The following TTC21B variants were observed in gnomAD, a reference collection of about 807,000 sequenced individuals.
The protein encoded by TTC21B is tetratricopeptide repeat domain 21B, also known as tetratricopeptide repeat protein 21B.
A neutral mutation model predicts 175.1 loss-of-function variants in TTC21B; 127 were observed. The observed-to-expected ratio is 0.73, with a 90% confidence interval of 0.63 to 0.84. The LOEUF is 0.84. Ranked by LOEUF, TTC21B falls within the 40% of genes least tolerant of loss-of-function variation. TTC21B has a pLI of 0.00. For missense variants in TTC21B, 1,561 were observed against 1,558.3 expected (o/e 1.00, Z -0.03); for synonymous variants, 524 against 524.5 (o/e 1.00, Z 0.01).
intron 12 of TTC21B, among the ~76,000 whole-genome samples, chr2:165,923,811 C>T (rs960494255): frequency 7.0e-6 from 1 of 143,136 alleles, no homozygotes; most frequent in South Asian, 2.3e-4. Context: ...AGTGCAGTGG[C>T]GTGATCCTGG....
chr2:165,929,347 G>A lies in TTC21B; in HGVS notation c.1186-12C>T. ...AAATAGATTAATTCCTAGAAAATAA[G>A]TAGTTTTCATAAATTATTCCATTTA... On this transcript the variant is annotated splice_polypyrimidine_tract_variant and intron_variant, in intron 10 of 28. Transcript: ENST00000243344. The A allele has an allele frequency of 1.3e-6, 2 of 1,586,104 alleles. No homozygotes were observed. The highest frequency in any genetic ancestry group is 1.7e-6 in the Non-Finnish European group (2 of 1,157,606).
chr2:165,876,536 G>T (rs559569248), intron 27 of TTC21B, among the ~76,000 whole-genome samples: 1 of 152,102 alleles, frequency 6.6e-6, no homozygotes, highest in Non-Finnish European at 1.5e-5. Flanking sequence ...ATTTATTTCA[G>T]GTTATAGTAA....
chr2:165,914,678 T>TGTGTGTGTGTGTGTGTGTGCGCGCGC (rs1553511317), intron 15 of TTC21B, among the ~76,000 whole-genome samples: 4 of 117,844 alleles, frequency 3.4e-5, no homozygotes, highest in African/African-American at 1.6e-4. Flanking sequence ...TGTGTGTGTG[T>TGTGTGTGTGTGTGTGTGTGCGCGCGC]GTGTGTGTGT....
At chr2:165,921,531 A>G (rs922589796) in intron 12 of TTC21B, among the ~76,000 whole-genome samples, 2 of 152,166 alleles carry the variant, frequency 1.3e-5, no homozygotes, top group African/African-American at 4.8e-5. Flanking sequence ...TCTGTGATTC[A>G]TTCTAGTAAA....
In TTC21B at chr2:165,927,260, A is replaced by C. The variant is rs187330627; in HGVS notation, c.1386+1875T>G. Among the ~76,000 whole-genome samples, 29 of 66,854 alleles carry C rather than the reference A, an allele frequency of 4.3e-4. 6 individuals are homozygous for C. Among genetic ancestry groups the C allele is most frequent in the African/African-American group, 8.7e-4 (17 of 19,514 alleles). The allele number at this position is 66,854 out of a possible 152,430, so 43.9% of individuals were successfully genotyped here. On this transcript the variant is annotated intron_variant, in intron 11 of 28. Coordinates refer to ENST00000243344, the MANE Select transcript of TTC21B (RefSeq NM_024753.5). ...TATCCTAGTAGTTATATATATATAT[A>C]TCCTAGTAGTTATATATATATATAT...
At chr2:165,885,575 G>A (rs1364190274) in intron 25 of TTC21B, among the ~76,000 whole-genome samples, 1 of 152,206 alleles carries the variant, frequency 6.6e-6, no homozygotes, top group Non-Finnish European at 1.5e-5. Flanking sequence ...TGGGCCAGGA[G>A]AGGAGAGAAG....
intron 1 of TTC21B, among the ~76,000 whole-genome samples, chr2:165,951,672 T>C (rs1056317436): frequency 6.6e-6 from 1 of 152,136 alleles, no homozygotes; most frequent in Non-Finnish European, 1.5e-5. Flanking sequence ...TCCAAAACAT[T>C]TACTGACTGC....
chr2:165,902,257 G>A (rs908528660), intron 19 of TTC21B, among the ~76,000 whole-genome samples: 9 of 152,160 alleles, frequency 5.9e-5, no homozygotes, highest in Admixed American at 5.9e-4. Flanking sequence ...TTGTTATATT[G>A]GAAGAATATC....
chr2:165,915,464 C>A (rs543955926), intron 14 of TTC21B, 25 bp from the exon 15 acceptor site: 10 of 1,557,644 alleles, frequency 6.4e-6, no homozygotes, highest in Admixed American at 1.7e-5. Context: ...TTAAAATAAT[C>A]ATTCTTCCAA....
intron 22 of TTC21B, among the ~76,000 whole-genome samples, chr2:165,898,463 A>G (rs1231880588): frequency 6.6e-6 from 1 of 152,226 alleles, no homozygotes; most frequent in African/African-American, 2.4e-5. Context: ...TTTGGAATAC[A>G]GTAGGATTAC....
At position 165,883,978 on chromosome 2, in the gene TTC21B, T is replaced by C. The variant is rs1040877016; in HGVS notation, c.3500A>G (p.Tyr1167Cys). 1.1e-5 allele frequency: 18 copies of C among 1,614,014 alleles called. No individual in the cohort carries two copies. Among genetic ancestry groups the C allele is most frequent in the Non-Finnish European group, 1.4e-5 (17 of 1,180,008 alleles). Residue 1167 changes from tyrosine to cysteine, a missense_variant, in exon 26 of 29, where the codon TAT becomes TGT. Coordinates refer to ENST00000243344, the MANE Select transcript of TTC21B (RefSeq NM_024753.5). The stretch of plus-strand genomic sequence containing the variant: ...TCGTGGAGTCTGTTTCAAGATCATA[T>C]AAGCCGTTGCCATTCCCAAGAGCGC... ...IPALLGMATA[Y>C]MILKQTPRAR...
rs1217426610 is a variant in TTC21B, at chr2:165,924,718, A to G, written c.1387-40T>C. On this transcript the variant is annotated intron_variant, in intron 11 of 28. Transcript: ENST00000243344. ...TCAGCAGATCATTTTATAAGTGTAA[A>G]AATAATATTTACCTAAAATAAACAT... 14 of 1,577,942 alleles carry G rather than the reference A, an allele frequency of 8.9e-6. No homozygotes were observed. In the South Asian group the frequency reaches 1.5e-4, roughly 17 times the overall value.
intron 1 of TTC21B, among the ~76,000 whole-genome samples, chr2:165,953,428 C>A (rs941862704): frequency 6.6e-6 from 1 of 152,222 alleles, no homozygotes; most frequent in Non-Finnish European, 1.5e-5. Flanking sequence ...GTAAACACAA[C>A]CAACAGCATG....
chr2:165,951,626 T>G (rs1287692266), intron 1 of TTC21B, among the ~76,000 whole-genome samples: 1 of 152,178 alleles, frequency 6.6e-6, no homozygotes, highest in Non-Finnish European at 1.5e-5. Context: ...TAAACATACC[T>G]AATGCTACTG....
At chr2:165,894,432 A>G (rs1272086605) in intron 22 of TTC21B, among the ~76,000 whole-genome samples, 1 of 152,228 alleles carries the variant, frequency 6.6e-6, no homozygotes, top group Non-Finnish European at 1.5e-5. Context: ...CATAAAATGA[A>G]CGGAGATGCA....
intron 6 of TTC21B, among the ~76,000 whole-genome samples, chr2:165,934,500 CAAAAAA>C (rs369089707): frequency 2.8e-5 from 2 of 71,906 alleles, no homozygotes; most frequent in African/African-American, 1.4e-4. Flanking sequence ...GACTCTGTCT[CAAAAAA>C]AAAAAAAAAA....
chr2:165,931,083 T>C (rs1346751584), intron 8 of TTC21B, among the ~76,000 whole-genome samples: 1 of 152,128 alleles, frequency 6.6e-6, no homozygotes, highest in Non-Finnish European at 1.5e-5. Flanking sequence ...AAACTTTCGT[T>C]ATAGCATGGA....
intron 13 of TTC21B, among the ~76,000 whole-genome samples, chr2:165,918,436 A>G (rs1335938765): frequency 6.6e-6 from 1 of 152,136 alleles, no homozygotes. Flanking sequence ...CTGGGACTAC[A>G]GGCACCCGCC....
At chr2:165,943,513 G>A (rs1574140698) in intron 4 of TTC21B, among the ~76,000 whole-genome samples, 172 bp from the exon 5 acceptor site, 1 of 152,086 alleles carries the variant, frequency 6.6e-6, no homozygotes, top group East Asian at 1.9e-4. Context: ...TGCCAGCCTA[G>A]TGTCTTGGGA....
Sources: allele counts gnomAD v4.1 joint callset (sites outside exome capture counted in the v4.1 genomes callset), GRCh38; gene constraint gnomAD v4.1.1; transcripts MANE v1.5; gene names NCBI Gene and HGNC (gene_info 2026-07-23, HGNC 2026-07-21).